EML4: variants seen among roughly 807,000 people sequenced by gnomAD.
EML4 encodes the protein EMAP like 4.
In EML4, 72 loss-of-function variants were observed where a neutral mutation model predicts 129.0. That is an observed-to-expected ratio of 0.56 (90% CI 0.46 to 0.68). The LOEUF (loss-of-function observed/expected upper bound fraction) is 0.68, where lower values mean the gene tolerates loss of function less well. EML4 is among the 30% of genes least tolerant of loss of function. EML4 has a pLI of 0.00. For missense variants in EML4, 1,363 were observed against 1,190.6 expected (o/e 1.14, Z -2.13); for synonymous variants, 532 against 405.0 (o/e 1.31, Z -3.77).
chr2:42,169,732 G>T, intron 1 of EML4, 96 bp downstream of exon 1: 1 of 1,426,264 alleles, frequency 7.0e-7, no homozygotes, highest in Non-Finnish European at 9.5e-7. Context: ...CCTGCCCCTC[G>T]GGGTGGCAGC....
intron 3 of EML4, among the ~76,000 whole-genome samples, chr2:42,260,701 G>GA (rs907305199): frequency 3.3e-5 from 5 of 151,726 alleles, no homozygotes; most frequent in East Asian, 1.9e-4. Context: ...GAAGTATACA[G>GA]AAAAAAAACA....
chr2:42,245,284 C>T (rs989766669), intron 1 of EML4, among the ~76,000 whole-genome samples: 5 of 150,744 alleles, frequency 3.3e-5, no homozygotes, highest in Admixed American at 2.0e-4. Context: ...TTAGTAGAGA[C>T]GGGGTTTCAC....
At chr2:42,314,824 C>T (rs1233730308) in intron 17 of EML4, among the ~76,000 whole-genome samples, 1 of 152,174 alleles carries the variant, frequency 6.6e-6, no homozygotes, top group Non-Finnish European at 1.5e-5. Flanking sequence ...CCTGGTCTTA[C>T]CACGCTCTTC....
At chr2:42,192,211 G>GTT (rs139657050) in intron 1 of EML4, among the ~76,000 whole-genome samples, 38,032 of 138,830 alleles carry the variant, frequency 0.27, 5,728 homozygotes, top group East Asian at 0.55. Context: ...TTCTTTGCTG[G>GTT]TTTTTTTTTG....
At chr2:42,215,410 T>TA (rs1673125824) in intron 1 of EML4, among the ~76,000 whole-genome samples, 1 of 152,202 alleles carries the variant, frequency 6.6e-6, no homozygotes, top group Admixed American at 6.5e-5. Flanking sequence ...CTGATTTTCA[T>TA]AAAATCCAAC....
intron 4 of EML4, 160 bp downstream of exon 4, chr2:42,261,454 T>G (rs1665730746): frequency 2.2e-6 from 1 of 460,968 alleles, no homozygotes; most frequent in Non-Finnish European, 3.7e-6. Context: ...TATAGCCCAT[T>G]GGGGAATAAA....
At chr2:42,189,894 C>G (rs1671485986) in intron 1 of EML4, among the ~76,000 whole-genome samples, 1 of 151,856 alleles carries the variant, frequency 6.6e-6, no homozygotes, top group African/African-American at 2.4e-5. Flanking sequence ...TATATGAAGA[C>G]AGCTAATCCA....
Position 42,331,492 on chromosome 2 carries a change from A to G in EML4, c.*1285A>G, listed in dbSNP as rs1258955369. 1.3e-5 allele frequency: 3 copies of G among 222,918 alleles called. No homozygotes were observed. The highest frequency in any genetic ancestry group is 1.8e-5 in the Non-Finnish European group (2 of 111,428). The allele number at this position is 222,918 out of a possible 1,614,324, so 13.8% of individuals were successfully genotyped here. A position where few individuals can be genotyped will look rare whatever the true frequency, so the allele number is the denominator to read the frequency against. On this transcript the variant is annotated 3_prime_UTR_variant, in exon 23 of 23. Coordinates refer to ENST00000318522, the MANE Select transcript of EML4 (RefSeq NM_019063.5). ...AATTACTGACAAATATGTATTTCCT[A>G]TATGTTTATACTTTGATTATAAAAA...
In EML4 at chr2:42,329,034, G is replaced by C. The variant is rs780411612; in HGVS notation, c.2472+18G>C. 3 of 1,605,274 alleles carry C rather than the reference G, an allele frequency of 1.9e-6. No homozygotes were observed. In the African/African-American group the frequency reaches 4.0e-5, roughly 22 times the overall value. On this transcript the variant is annotated intron_variant, in intron 22 of 22. Transcript: ENST00000318522. ...AAGCAAAGGTAAACTCACTTTAATA[G>C]AAACTAATGTTATAAGGCCTTCTGT...
intron 1 of EML4, among the ~76,000 whole-genome samples, chr2:42,240,059 T>C (rs1417059350): frequency 1.3e-5 from 2 of 152,198 alleles, no homozygotes; most frequent in African/African-American, 2.4e-5. Context: ...AGTTTACTTA[T>C]TTATAAAATG....
At chr2:42,182,125 C>CTTTTTTT (rs1164289811) in intron 1 of EML4, among the ~76,000 whole-genome samples, 1 of 102,748 alleles carries the variant, frequency 9.7e-6, no homozygotes, top group Non-Finnish European at 2.1e-5. Context: ...CCACTGGTTT[C>CTTTTTTT]TTTTTTTTTT....
chr2:42,245,389 C>T, intron 1 of EML4, 116 bp from the exon 2 acceptor site: 2 of 1,010,288 alleles, frequency 2.0e-6, no homozygotes, highest in South Asian at 1.7e-5. Context: ...AGCCACTTCA[C>T]CTAGCCAGAA....
intron 1 of EML4, among the ~76,000 whole-genome samples, chr2:42,173,845 AAAAT>A (rs1553355990): frequency 4.6e-5 from 7 of 152,170 alleles, no homozygotes; most frequent in South Asian, 2.1e-4. Context: ...CTGCCTCTAA[AAAAT>A]AAATAAATAA....
chr2:42,305,686 T>C (rs958151788), intron 17 of EML4, among the ~76,000 whole-genome samples: 1 of 152,218 alleles, frequency 6.6e-6, no homozygotes, highest in Non-Finnish European at 1.5e-5. Flanking sequence ...AAGTAGTCCT[T>C]CTCACATTTT....
At chr2:42,230,113 C>T (rs968228473) in intron 1 of EML4, among the ~76,000 whole-genome samples, 2 of 152,130 alleles carry the variant, frequency 1.3e-5, no homozygotes, top group South Asian at 2.1e-4. Context: ...ATGCATGTCA[C>T]CAAACTAATA....
chr2:42,252,647 C>G (rs561033575), intron 2 of EML4, among the ~76,000 whole-genome samples: 1 of 152,164 alleles, frequency 6.6e-6, no homozygotes, highest in East Asian at 1.9e-4. Flanking sequence ...TGTCTCCCCA[C>G]CACCACCCAC....
intron 2 of EML4, among the ~76,000 whole-genome samples, chr2:42,253,536 A>G (rs964346469): frequency 3.3e-5 from 5 of 152,198 alleles, no homozygotes; most frequent in Non-Finnish European, 5.9e-5. Context: ...TAGCGATGCC[A>G]TAGTGTAGGG....
At chr2:42,289,012 T>G (rs1208765055) in intron 11 of EML4, 1 of 152,236 alleles carries the variant, frequency 6.6e-6, no homozygotes, top group African/African-American at 2.4e-5. Flanking sequence ...CACATTACTC[T>G]CCAACTCCTC....
chr2:42,251,269 GAT>G (rs1054472620), intron 2 of EML4, among the ~76,000 whole-genome samples: 1 of 152,182 alleles, frequency 6.6e-6, no homozygotes, highest in Non-Finnish European at 1.5e-5. Flanking sequence ...ACATAGAAAA[GAT>G]ATGGTAAAAA....
Sources: gnomAD v4.1 joint callset for allele counts (sites outside exome capture counted in the v4.1 genomes callset) on GRCh38, gnomAD v4.1.1 for gene constraint, MANE v1.5 for transcripts, NCBI Gene and HGNC (gene_info 2026-07-23, HGNC 2026-07-21) for gene names.